Variants in NTNG1 observed in about 807,000 individuals in gnomAD.
NTNG1 encodes the protein netrin G1.
A neutral mutation model predicts 54.0 loss-of-function variants in NTNG1; 16 were observed. The observed-to-expected ratio is 0.30, with a 90% CI of 0.20 to 0.45. The LOEUF is 0.45. Ranked by LOEUF, NTNG1 falls within the 20% of genes least tolerant of loss-of-function variation. The probability of loss-of-function intolerance (pLI) is 1.00; values close to 1 mark genes in which losing one functional copy is unlikely to be tolerated. For synonymous variants in NTNG1, 255 were observed against 263.1 expected, an observed-to-expected ratio of 0.97 and a Z score of 0.30; for missense variants, 530 against 678.7, an observed-to-expected ratio of 0.78 and a Z score of 2.43.
intron 2 of NTNG1, among the ~76,000 whole-genome samples, chr1:107,211,643 T>C (rs1659604124): frequency 6.6e-6 from 1 of 152,090 alleles, no homozygotes; most frequent in Admixed American, 6.6e-5. Context: ...ATGAGATCTC[T>C]CACCAGATTA....
intron 5 of NTNG1, among the ~76,000 whole-genome samples, chr1:107,426,363 G>A (rs996324470): frequency 4.0e-5 from 6 of 151,886 alleles, no homozygotes; most frequent in African/African-American, 1.5e-4. Flanking sequence ...TGAGATAGAG[G>A]TTCAGTTTCA....
chr1:107,392,593 G>C (rs1482016469), intron 3 of NTNG1, among the ~76,000 whole-genome samples: 2 of 152,040 alleles, frequency 1.3e-5, no homozygotes, highest in African/African-American at 4.8e-5. Context: ...AGTATCCATT[G>C]GATTTTCAAC....
chr1:107,155,870 C>T (rs1248333032), intron 2 of NTNG1, among the ~76,000 whole-genome samples: 5 of 152,194 alleles, frequency 3.3e-5, no homozygotes, highest in African/African-American at 9.6e-5. Flanking sequence ...TGTATTTTTA[C>T]GTACTTTTTC....
At chr1:107,177,160 C>A (rs539279410) in intron 2 of NTNG1, among the ~76,000 whole-genome samples, 2 of 152,252 alleles carry the variant, frequency 1.3e-5, no homozygotes, top group Admixed American at 1.3e-4. Flanking sequence ...TGCCACTGAA[C>A]CTCCAATGAC....
In NTNG1 at chr1:107,288,662, C is replaced by T. The variant is rs145646687; in HGVS notation, c.247-35620C>T. 1.1e-3 allele frequency among the ~76,000 whole-genome samples: 162 copies of T among 152,154 alleles called. 1 individual carries two copies. Among genetic ancestry groups the T allele is most frequent in the Non-Finnish European group, 1.9e-3 (129 of 67,960 alleles). ...ATTAAATCATCTATATCCTTAGAAACTTCAGTTTTTATTGCAAAGGATTGA... is the reference window on the plus strand; with the variant it reads ...ATTAAATCATCTATATCCTTAGAAATTTCAGTTTTTATTGCAAAGGATTGA... On this transcript the variant is annotated intron_variant, in intron 2 of 7. Transcript: ENST00000370068.
At chr1:107,423,084 T>C (rs556383720) in intron 5 of NTNG1, among the ~76,000 whole-genome samples, 145 of 152,214 alleles carry the variant, frequency 9.5e-4, no homozygotes, top group African/African-American at 3.3e-3. Flanking sequence ...GTCCTTTCCT[T>C]ATCTAGAAAG....
chr1:107,271,970 G>A (rs1019448667), intron 2 of NTNG1, among the ~76,000 whole-genome samples: 8 of 152,140 alleles, frequency 5.3e-5, no homozygotes, highest in Admixed American at 5.2e-4. Context: ...CAATGATTCA[G>A]AGTTTTAAGC....
chr1:107,294,901 C>G (rs929952075), intron 2 of NTNG1, among the ~76,000 whole-genome samples: 1 of 152,220 alleles, frequency 6.6e-6, no homozygotes, highest in Non-Finnish European at 1.5e-5. Context: ...ATAAAATGAG[C>G]TGACGCCATG....
At chr1:107,480,583 C>CCCCCCCCCCCAA in intron 7 of NTNG1, 28 bp from the exon 8 acceptor site, 2 of 744,750 alleles carry the variant, frequency 2.7e-6, no homozygotes, top group Non-Finnish European at 4.5e-6. Flanking sequence ...CGCGCCCACC[C>CCCCCCCCCCCAA]ACCCCTACCT....
intron 5 of NTNG1, chr1:107,408,441 G>A (rs2101150958): frequency 6.5e-6 from 1 of 152,764 alleles, no homozygotes; most frequent in African/African-American, 2.4e-5. Flanking sequence ...AGCAATTGAA[G>A]AGAAACCGCT....
Position 107,281,655 on chromosome 1 carries a change from A to G in NTNG1, c.247-42627A>G, listed in dbSNP as rs531282606. Among the ~76,000 whole-genome samples the G allele has an allele frequency of 1.2e-3, 181 of 152,232 alleles. 1 individual carries two copies. Among genetic ancestry groups the G allele is most frequent in the Admixed American group, 1.7e-3 (26 of 15,268 alleles). On this transcript the variant is annotated intron_variant, in intron 2 of 7. Coordinates refer to ENST00000370068, the MANE Select transcript of NTNG1 (RefSeq NM_001113226.3). ...GTTAAATGGTTATATATACATATAT[A>G]TGTGTATGTGTGTGTATATACCCAT...
At position 107,436,935 on chromosome 1, in the gene NTNG1, G is replaced by A. The variant is rs1026903166; in HGVS notation, c.1390+136G>A. On this transcript the variant is annotated intron_variant, in intron 7 of 7. Transcript: ENST00000370068. ...AGTTTTAAAAGCTACTTAATGCTGC[G>A]GCCAATGTATTGGGAGAGCAATCCA... is the stretch of plus-strand genomic sequence containing the variant. 78 of 736,712 alleles carry A rather than the reference G, an allele frequency of 1.1e-4. No homozygotes were observed. In the African/African-American group the frequency reaches 1.2e-3, roughly 11 times the overall value. The allele number at this position is 736,712 out of a possible 1,614,324, so 45.6% of individuals were successfully genotyped here.
chr1:107,459,421 G>A (rs536942740), intron 7 of NTNG1, among the ~76,000 whole-genome samples: 1 of 152,166 alleles, frequency 6.6e-6, no homozygotes, highest in South Asian at 2.1e-4. Flanking sequence ...ACAGCTGTTG[G>A]AGAGTCTTTG....
At chr1:107,473,663 G>C (rs977789332) in intron 7 of NTNG1, among the ~76,000 whole-genome samples, 9 of 152,212 alleles carry the variant, frequency 5.9e-5, no homozygotes, top group Non-Finnish European at 1.3e-4. Flanking sequence ...AAGAAAAATA[G>C]ATAGAAGTAA....
chr1:107,388,335 T>G (rs144953702), intron 3 of NTNG1, among the ~76,000 whole-genome samples: 13 of 152,340 alleles, frequency 8.5e-5, no homozygotes, highest in African/African-American at 2.9e-4. Flanking sequence ...CCTCCATTTC[T>G]TGCCCTTGTT....
rs1276860372 is a variant in NTNG1, at chr1:107,433,979, T to C, written c.1256-2686T>C. 3.9e-5 allele frequency among the ~76,000 whole-genome samples: 6 copies of C among 152,204 alleles called. No homozygotes were observed. In the South Asian group the frequency reaches 1.2e-3, roughly 32 times the overall value. ...ATTCGAAAGGATACATCACAAGTAATTGAGAGTTAATCTTAATACCATTTT... is the reference window on the plus strand; with the variant it reads ...ATTCGAAAGGATACATCACAAGTAACTGAGAGTTAATCTTAATACCATTTT... On this transcript the variant is annotated intron_variant, in intron 6 of 7. Coordinates refer to ENST00000370068, the MANE Select transcript of NTNG1 (RefSeq NM_001113226.3).
chr1:107,292,506 T>C (rs934864341), intron 2 of NTNG1, among the ~76,000 whole-genome samples: 1 of 152,058 alleles, frequency 6.6e-6, no homozygotes, highest in African/African-American at 2.4e-5. Context: ...AAATAATAAT[T>C]GGTCACTGCC....
chr1:107,239,908 C>T (rs1661706198), intron 2 of NTNG1, among the ~76,000 whole-genome samples: 1 of 152,164 alleles, frequency 6.6e-6, no homozygotes. Context: ...AGGTCACTAG[C>T]CATTTAAATA....
Position 107,484,211 on chromosome 1 carries a change from A to T in NTNG1, c.*3371A>T, listed in dbSNP as rs925649765. Among the ~76,000 whole-genome samples, 10 of 152,304 alleles carry T rather than the reference A, an allele frequency of 6.6e-5. No individual in the cohort carries two copies. The highest frequency in any genetic ancestry group is 2.2e-4 in the African/African-American group (9 of 41,572). On this transcript the variant is annotated 3_prime_UTR_variant, in exon 8 of 8. Transcript: ENST00000370068. ...AGTGTTCACTGTGGAATTTACACAC[A>T]AGCAAGGAGAAGCCACTTGCCATGA...
Sources: gnomAD v4.1 joint callset for allele counts (sites outside exome capture counted in the v4.1 genomes callset) on GRCh38, gnomAD v4.1.1 for gene constraint, MANE v1.5 for transcripts, NCBI Gene and HGNC (gene_info 2026-07-23, HGNC 2026-07-21) for gene names.